The following CCDC107 variants were observed in gnomAD, a reference collection of about 807,000 sequenced individuals.
The protein encoded by CCDC107 is coiled-coil domain-containing protein 107.
Under a neutral mutation model 17.9 loss-of-function variants are expected in CCDC107, and 17 were observed. That is an observed-to-expected ratio of 0.95 (90% confidence interval 0.65 to 1.42). CCDC107 has a LOEUF of 1.42. Ranked by LOEUF, CCDC107 falls within the 40% of genes most tolerant of loss-of-function variation. The probability of loss-of-function intolerance (pLI) is 0.00; values close to 1 mark genes in which losing one functional copy is unlikely to be tolerated. For missense variants in CCDC107, 388 were observed against 360.1 expected (o/e 1.08, Z -0.63); for synonymous variants, 170 against 157.2 (o/e 1.08, Z -0.61).
rs767735176 is a variant in CCDC107, at chr9:35,660,632, ACC to A, written c.399_400del (p.Leu134PhefsTer2). 9 of 1,614,048 alleles carry A rather than the reference ACC, an allele frequency of 5.6e-6. No individual in the cohort carries two copies. The South Asian group carries it at 8.8e-5, about 16-fold the overall frequency. On this transcript the variant is annotated frameshift_variant, in exon 4 of 5. Transcript: ENST00000426546. LOFTEE classifies it low-confidence loss of function (END_TRUNC). ...CTGAACAACCTGATGGCCCAGCTGG[ACC>A]CCCTTTTTGAGCGGTGAGGAGAGCA...
Position 35,661,231 on chromosome 9 carries a change from C to T in CCDC107, c.*44C>T, listed in dbSNP as rs1029232897. The T allele has an allele frequency of 7.0e-7, 1 of 1,421,734 alleles. No homozygotes were observed. Among genetic ancestry groups the T allele is most frequent in the Non-Finnish European group, 9.7e-7 (1 of 1,035,286 alleles). 88.1% of individuals were successfully genotyped at this position (1,421,734 alleles called of 1,614,324 possible). A position where few individuals can be genotyped will look rare whatever the true frequency, so the allele number is the denominator to read the frequency against. ...TTTTTCGATCCTAGTTGGTTGTACA[C>T]ACCCATACTAGGTGCCTAAGGACAA... is the stretch of plus-strand genomic sequence containing the variant. On this transcript the variant is annotated 3_prime_UTR_variant, in exon 5 of 5. Transcript: ENST00000426546.
At chr9:35,658,865 C>T in intron 2 of CCDC107, 138 bp downstream of exon 2, 1 of 505,716 alleles carries the variant, frequency 2.0e-6, no homozygotes, top group Non-Finnish European at 3.4e-6. Flanking sequence ...AAAATAAAGA[C>T]AGTAGTCCGT....
chr9:35,660,993 A>C lies in CCDC107; in HGVS notation c.658A>C (p.Ile220Leu), dbSNP rs1339374. ...CTGTTTAAAGGAGGACGAGGAGGAG[A>C]TTGGTGACAGTCAGGCCTGGGAGGA... Reference protein sequence around the residue: ...DFCLKEDEEEIGDSQAWEEPT... With the variant: ...DFCLKEDEEELGDSQAWEEPT... Residue 220 changes from isoleucine to leucine, a missense_variant, in exon 5 of 5, where the codon ATT becomes CTT. Transcript: ENST00000426546. The C allele has an allele frequency of 6.2e-7, 1 of 1,613,938 alleles. No homozygotes were observed. The highest frequency in any genetic ancestry group is 8.5e-7 in the Non-Finnish European group (1 of 1,179,990).
intron 2 of CCDC107, chr9:35,659,629 A>G (rs1161035213): frequency 6.6e-6 from 1 of 152,208 alleles, no homozygotes; most frequent in Non-Finnish European, 1.5e-5. Flanking sequence ...GGAAACAACC[A>G]GAGAAAACCA....
rs770497181 is a variant in CCDC107, at chr9:35,660,917, A to G, written c.582A>G (p.Thr194=). Residue 194 remains threonine (T), a synonymous_variant, in exon 5 of 5, where the codon ACA becomes ACG. Coordinates refer to ENST00000426546, the MANE Select transcript of CCDC107 (RefSeq NM_174923.3). ...GGGDKVSETG[T]FLISPHTEAS... ...GAGACAAAGTCTCTGAAACTGGAAC[A>G]TTCCTGATCTCTCCCCACACAGAGG... is the stretch of plus-strand genomic sequence containing the variant. 6.2e-7 allele frequency: 1 copy of G among 1,614,188 alleles called. No homozygotes were observed. The highest frequency in any genetic ancestry group is 1.7e-5 in the Admixed American group (1 of 60,024).
In CCDC107 at chr9:35,661,071, G is replaced by A. The variant is rs755422129; in HGVS notation, c.736G>A (p.Gly246Arg). The change falls in exon 5 of 5, where the codon GGG becomes AGG. Residue 246 changes from glycine (G) to arginine (R), a missense_variant. Transcript: ENST00000426546. ...GAACCTAGCTACTTCCTGGGAGGTG[G>A]GGCGGGGACTACGGAGAAGGTGCAG... Reference protein sequence around the residue: ...TWNLATSWEVGRGLRRRCSQA... With the variant: ...TWNLATSWEVRRGLRRRCSQA... 6.2e-7 allele frequency: 1 copy of A among 1,614,178 alleles called. No homozygotes were observed. Among genetic ancestry groups the A allele is most frequent in the Admixed American group, 1.7e-5 (1 of 60,022 alleles).
chr9:35,660,524 C>G, intron 3 of CCDC107, 33 bp from the exon 4 acceptor site: 1 of 1,612,998 alleles, frequency 6.2e-7, no homozygotes, highest in South Asian at 1.1e-5. Context: ...AGATACATAA[C>G]CACTTCTGCC....
In CCDC107 at chr9:35,661,133, C is replaced by T. The variant is rs763119314; in HGVS notation, c.798C>T (p.Gly266=). ...AVAKGPSHSL[G]WEGGTTAEGR... is the part of the protein sequence containing the mutation. ...CAAAGGGCCCCAGTCACAGCCTTGG[C>T]TGGGAAGGAGGGACGACAGCTGAAG... Residue 266 remains glycine, a synonymous_variant, in exon 5 of 5, where the codon GGC becomes GGT. Coordinates refer to ENST00000426546, the MANE Select transcript of CCDC107 (RefSeq NM_174923.3). The T allele has an allele frequency of 1.2e-6, 2 of 1,612,632 alleles. No individual in the cohort carries two copies. Among genetic ancestry groups the T allele is most frequent in the Non-Finnish European group, 1.7e-6 (2 of 1,178,904 alleles).
chr9:35,659,421 C>T (rs1278991191), intron 2 of CCDC107: 1 of 152,178 alleles, frequency 6.6e-6, no homozygotes, highest in Non-Finnish European at 1.5e-5. Context: ...TGAGTACAGT[C>T]TGGGAGAAAC....
Position 35,658,929 on chromosome 9 carries a change from G to A in CCDC107, c.258+202G>A, listed in dbSNP as rs928853715. The A allele has an allele frequency of 2.2e-5, 10 of 447,984 alleles. No individual in the cohort carries two copies. The Admixed American group carries it at 4.3e-4, about 19-fold the overall frequency. 27.8% of individuals were successfully genotyped at this position (447,984 alleles called of 1,614,324 possible). ...GAGGATCCAGGGAGGTAACGGATGT[G>A]AAGAGCGTGTGGTGAACTGTAAATA... On this transcript the variant is annotated intron_variant, in intron 2 of 4. Coordinates refer to ENST00000426546, the MANE Select transcript of CCDC107 (RefSeq NM_174923.3).
In CCDC107 at chr9:35,658,608, G is replaced by A. The variant is rs759715665; in HGVS notation, c.139G>A (p.Glu47Lys). 1 of 1,581,824 alleles carries A rather than the reference G, an allele frequency of 6.3e-7. No homozygotes were observed. The highest frequency in any genetic ancestry group is 1.4e-5 in the African/African-American group (1 of 73,186). The change falls in exon 2 of 5, where the codon GAA becomes AAA. Residue 47 changes from glutamate (E) to lysine (K), a missense_variant. By Grantham distance (56) the Glu-to-Lys change is moderately conservative. Transcript: ENST00000426546. Reference protein sequence around the residue: ...NAAHPGSGATEPRRRPPLKDQ... With the variant: ...NAAHPGSGATKPRRRPPLKDQ... The stretch of plus-strand genomic sequence containing the variant: ...AGCCCACCCCGGCTCTGGAGCCACG[G>A]AACCCCGGCGGCGACCACCGCTCAA...
chr9:35,659,038 C>G, intron 2 of CCDC107: 1 of 262,176 alleles, frequency 3.8e-6, no homozygotes, highest in Non-Finnish European at 7.2e-6. Context: ...ACTGCTGGAG[C>G]TGGGATTTGA....
intron 2 of CCDC107, chr9:35,659,932 G>C: frequency 6.5e-6 from 1 of 153,724 alleles, no homozygotes. Flanking sequence ...GCAACCTCTG[G>C]CTCCCAGGTT....
Position 35,661,437 on chromosome 9 carries a change from C to A in CCDC107, c.*250C>A. On this transcript the variant is annotated 3_prime_UTR_variant, in exon 5 of 5. Coordinates refer to ENST00000426546, the MANE Select transcript of CCDC107 (RefSeq NM_174923.3). ...GCAAAACTGAGACAGAAGGGTCTTT[C>A]CCAAAAAAAAGAAAAAAAACTTTAC... is the stretch of plus-strand genomic sequence containing the variant. The A allele has an allele frequency of 2.2e-6, 1 of 449,590 alleles. No homozygotes were observed. Among genetic ancestry groups the A allele is most frequent in the Non-Finnish European group, 3.9e-6 (1 of 256,200 alleles). 27.9% of individuals were successfully genotyped at this position (449,590 alleles called of 1,614,324 possible). A position where few individuals can be genotyped will look rare whatever the true frequency, so the allele number is the denominator to read the frequency against.
At chr9:35,660,276 C>G (rs1233566042) in intron 2 of CCDC107, 125 bp from the exon 3 acceptor site, 3 of 780,916 alleles carry the variant, frequency 3.8e-6, no homozygotes, top group South Asian at 1.8e-5. Context: ...TTGTGATTCT[C>G]TGAGGTAAAA....
Position 35,661,239 on chromosome 9 carries a change from C to A in CCDC107, c.*52C>A. ...TCCTAGTTGGTTGTACACACCCATACTAGGTGCCTAAGGACAACTGGGCCT... is the reference window on the plus strand; with the variant it reads ...TCCTAGTTGGTTGTACACACCCATAATAGGTGCCTAAGGACAACTGGGCCT... On this transcript the variant is annotated 3_prime_UTR_variant, in exon 5 of 5. Coordinates refer to ENST00000426546, the MANE Select transcript of CCDC107 (RefSeq NM_174923.3). 1 of 1,350,220 alleles carries A rather than the reference C, an allele frequency of 7.4e-7. No individual in the cohort carries two copies. Among genetic ancestry groups the A allele is most frequent in the Non-Finnish European group, 1.0e-6 (1 of 977,928 alleles). 83.6% of individuals were successfully genotyped at this position (1,350,220 alleles called of 1,614,324 possible).
chr9:35,660,904 C>G lies in CCDC107; in HGVS notation c.569C>G (p.Ser190Cys). Residue 190 changes from serine to cysteine, a missense_variant, in exon 5 of 5, where the codon TCT (serine) becomes TGT (cysteine). Coordinates refer to ENST00000426546, the MANE Select transcript of CCDC107 (RefSeq NM_174923.3). ...GESAGGGDKVSETGTFLISPH... is the reference protein window; with the variant it reads ...GESAGGGDKVCETGTFLISPH... Reference sequence around the variant, plus strand: ...TCTGCTGGAGGTGGAGACAAAGTCTCTGAAACTGGAACATTCCTGATCTCT... The same window carrying G: ...TCTGCTGGAGGTGGAGACAAAGTCTGTGAAACTGGAACATTCCTGATCTCT... The G allele has an allele frequency of 1.2e-6, 2 of 1,613,996 alleles. No individual in the cohort carries two copies. The highest frequency in any genetic ancestry group is 1.7e-6 in the Non-Finnish European group (2 of 1,180,016).
At position 35,660,628 on chromosome 9, in the gene CCDC107, C is replaced by G; in HGVS notation, c.391C>G (p.Leu131Val). 1 of 1,614,210 alleles carries G rather than the reference C, an allele frequency of 6.2e-7. No individual in the cohort carries two copies. The highest frequency in any genetic ancestry group is 8.5e-7 in the Non-Finnish European group (1 of 1,180,032). Reference sequence around the variant, plus strand: ...GCACCTGAACAACCTGATGGCCCAGCTGGACCCCCTTTTTGAGCGGTGAGG... The same window carrying G: ...GCACCTGAACAACCTGATGGCCCAGGTGGACCCCCTTTTTGAGCGGTGAGG... ...EQHLNNLMAQ[L>V]DPLFERVTTL... The change falls in exon 4 of 5, where the codon CTG (leucine) becomes GTG (valine). Residue 131 changes from leucine to valine, a missense_variant. Transcript: ENST00000426546.
At chr9:35,659,626 A>C (rs1047513063) in intron 2 of CCDC107, 1 of 152,198 alleles carries the variant, frequency 6.6e-6, no homozygotes, top group Non-Finnish European at 1.5e-5. Context: ...TCAGGAAACA[A>C]CCAGAGAAAA....
Sources: gnomAD v4.1 joint callset for allele counts on GRCh38, gnomAD v4.1.1 for gene constraint, MANE v1.5 for transcripts, NCBI Gene and HGNC (gene_info 2026-07-23, HGNC 2026-07-21) for gene names.